The following SMTN variants were observed in gnomAD, a reference collection of about 807,000 sequenced individuals.
SMTN encodes the protein smoothelin.
In SMTN, 58 loss-of-function variants were observed where a neutral mutation model predicts 102.0. That is an observed-to-expected ratio of 0.57 (90% CI 0.46 to 0.71). The LOEUF is 0.71. SMTN is among the 30% of genes least tolerant of loss of function. The pLI, the probability that SMTN is intolerant of heterozygous loss-of-function variation, is 0.00. For missense variants in SMTN, 1,185 were observed against 1,241.7 expected (o/e 0.95, Z 0.69); for synonymous variants, 478 against 497.9 (o/e 0.96, Z 0.53).
At chr22:31,090,456 G>C (rs1407781009) in intron 8 of SMTN, among the ~76,000 whole-genome samples, 1 of 152,030 alleles carries the variant, frequency 6.6e-6, no homozygotes, top group Non-Finnish European at 1.5e-5. Context: ...CCATCTCCCA[G>C]CTGGAGCTGT....
Position 31,090,963 on chromosome 22 carries a change from TCCACCCCCCTTG to T in SMTN, c.944_955del (p.Thr315_Ala318del), listed in dbSNP as rs761752063. 2.5e-6 allele frequency: 4 copies of T among 1,612,904 alleles called. No homozygotes were observed. The Admixed American group carries it at 5.0e-5, about 20-fold the overall frequency. On this transcript the variant is annotated inframe_deletion, in exon 10 of 21. Transcript: ENST00000333137. ...GACAGCCCTCCTGTTCCTTCTAGAG[TCCACCCCCCTTG>T]CCAGCGGACCTTCCTCATTCCAGCG...
chr22:31,078,907 T>C (rs2042193858), upstream of SMTN, among the ~76,000 whole-genome samples: 2 of 152,250 alleles, frequency 1.3e-5, no homozygotes, highest in South Asian at 4.1e-4. Context: ...TAAAAACAAG[T>C]GTGACACACA....
chr22:31,100,832 C>T, intron 19 of SMTN, 53 bp from the exon 20 acceptor site: 6 of 848,482 alleles, frequency 7.1e-6, no homozygotes, highest in South Asian at 5.8e-5. Context: ...CACCCGGGGC[C>T]CTGGCCTCCT....
chr22:31,097,021 A>G lies in SMTN; in HGVS notation c.2050A>G (p.Thr684Ala), dbSNP rs2043646640. 1.2e-6 allele frequency: 2 copies of G among 1,614,000 alleles called. No individual in the cohort carries two copies. Among genetic ancestry groups the G allele is most frequent in the Admixed American group, 3.3e-5 (2 of 59,998 alleles). Residue 684 changes from threonine (T) to alanine (A), a missense_variant, in exon 15 of 21, where the codon ACC becomes GCC. This residue lies in a region of SMTN where 1,096 missense variants were observed against 1,112.7 expected (regional missense o/e 0.98). Transcript: ENST00000333137. ...HSNDGTRTAR[T>A]TTVESSFVRR... ...AGATGATGGCACACGGACGGCCCGC[A>G]CCACCACAGTGGAGTCGAGTTTCGT... is the stretch of plus-strand genomic sequence containing the variant.
chr22:31,085,134 A>G, intron 2 of SMTN: 7 of 1,535,296 alleles, frequency 4.6e-6, no homozygotes, highest in Non-Finnish European at 6.1e-6. Context: ...ACCCGCCGGG[A>G]CGCCCTCTGC....
intron 2 of SMTN, chr22:31,085,092 C>A: frequency 6.5e-7 from 1 of 1,534,910 alleles, no homozygotes; most frequent in Non-Finnish European, 8.7e-7. Flanking sequence ...ATGGGGACGC[C>A]TGGGGACTTG....
At chr22:31,074,136 CCAG>C (rs1365015148) in intron 1 of SMTN, among the ~76,000 whole-genome samples, 1 of 151,850 alleles carries the variant, frequency 6.6e-6, no homozygotes, top group Non-Finnish European at 1.5e-5. Flanking sequence ...CTGTGTAATT[CCAG>C]CACTTTGGGA....
rs2043480837 is a variant in SMTN at position 31,095,254 on chromosome 22, T to C, written c.1633-49T>C. ...CCCTATCCATTGGAGACATGATGAG[T>C]TTCACCCATACCCCTGCTTAAAGTC... On this transcript the variant is annotated intron_variant, in intron 11 of 20. Coordinates refer to ENST00000333137, the MANE Select transcript of SMTN (RefSeq NM_134269.3). The surrounding 1 kb of genome is among the most constrained non-coding windows in gnomAD (Gnocchi z 4.1). The C allele has an allele frequency of 6.3e-7, 1 of 1,595,836 alleles. No homozygotes were observed. Among genetic ancestry groups the C allele is most frequent in the Admixed American group, 1.7e-5 (1 of 59,156 alleles).
chr22:31,066,482 A>G (rs1250447079), intron 1 of SMTN: 2 of 151,908 alleles, frequency 1.3e-5, no homozygotes, highest in Non-Finnish European at 2.9e-5. Flanking sequence ...TAATTTTTGT[A>G]TCTTTAGTAG....
At chr22:31,098,622 G>A in intron 16 of SMTN, 45 bp from the exon 17 acceptor site, 2 of 1,594,492 alleles carry the variant, frequency 1.3e-6, no homozygotes, top group East Asian at 2.2e-5. Context: ...AGGCTGGGGA[G>A]CAGCCCTGCT....
At chr22:31,099,260 C>T (rs2147797789) in intron 18 of SMTN, 81 bp downstream of exon 18, 2 of 864,038 alleles carry the variant, frequency 2.3e-6, no homozygotes, top group South Asian at 3.0e-5. Flanking sequence ...GCTCCTATTA[C>T]CCAGTACACT....
At chr22:31,085,413 C>T in intron 2 of SMTN, 7 of 867,906 alleles carry the variant, frequency 8.1e-6, no homozygotes, top group Middle Eastern at 6.7e-4. Context: ...ACCGGGGGAG[C>T]TGGGACTGAA....
Position 31,089,955 on chromosome 22 carries a change from C to G in SMTN, c.728C>G (p.Thr243Ser), listed in dbSNP as rs2042991682. Residue 243 changes from threonine to serine, a missense_variant, in exon 7 of 21, where the codon ACC becomes AGC. Thr to Ser is a moderately conservative substitution (Grantham distance 58). This residue lies in a region of SMTN where 1,096 missense variants were observed against 1,112.7 expected (regional missense o/e 0.98). Transcript: ENST00000333137. ...GAGCCACCCCCCAGCCCACCCAAGA[C>G]CACCAGCCCTGAGCCTCAGGAGTCT... ...SPEPPPSPPK[T>S]TSPEPQESPT... The G allele has an allele frequency of 2.5e-6, 4 of 1,600,168 alleles. No homozygotes were observed. Among genetic ancestry groups the G allele is most frequent in the Non-Finnish European group, 3.4e-6 (4 of 1,173,228 alleles).
At position 31,095,462 on chromosome 22, in the gene SMTN, C is replaced by T; in HGVS notation, c.1785+7C>T. The T allele has an allele frequency of 6.2e-7, 1 of 1,614,192 alleles. No individual in the cohort carries two copies. The highest frequency in any genetic ancestry group is 8.5e-7 in the Non-Finnish European group (1 of 1,180,016). On this transcript the variant is annotated splice_region_variant and intron_variant, in intron 12 of 20. Coordinates refer to ENST00000333137, the MANE Select transcript of SMTN (RefSeq NM_134269.3). This position sits in a 1 kb window ranked among gnomAD's most constrained non-coding sequence, Gnocchi z 4.1. ...AGGAGTCTTGGACAAGATGGTATAG[C>T]CAGATCCGGTGGGCTGGGGGTTGGC...
chr22:31,072,137 TTTCTGCCTATGTGGCTGA>T (rs1489839693), intron 1 of SMTN, among the ~76,000 whole-genome samples: 108 of 152,300 alleles, frequency 7.1e-4, no homozygotes, highest in African/African-American at 2.5e-3. Context: ...GATAGCATCA[TTTCTGCCTATGTGGCTGA>T]CATTCATTAT....
At chr22:31,092,553 A>G (rs2043217827) in intron 11 of SMTN, 1 of 471,156 alleles carries the variant, frequency 2.1e-6, no homozygotes, top group Non-Finnish European at 4.4e-6. Flanking sequence ...GTGCTAAACC[A>G]GGGACTGAAT....
intron 11 of SMTN, chr22:31,093,834 C>T (rs1374195402): frequency 6.3e-7 from 1 of 1,589,466 alleles, no homozygotes. Flanking sequence ...CCTTCAGCAC[C>T]CGCCGCCGCT....
chr22:31,064,702 T>C (rs1347584494), intron 1 of SMTN: 1 of 152,144 alleles, frequency 6.6e-6, no homozygotes, highest in African/African-American at 2.4e-5. Flanking sequence ...AATTATATTT[T>C]ATAGTTATTT....
intron 1 of SMTN, among the ~76,000 whole-genome samples, chr22:31,071,509 G>A (rs2041997985): frequency 6.6e-6 from 1 of 151,660 alleles, no homozygotes; most frequent in African/African-American, 2.4e-5. Flanking sequence ...ATAGTGGCAT[G>A]CACCGGCTGA....
Sources: allele counts gnomAD v4.1 joint callset (sites outside exome capture counted in the v4.1 genomes callset), GRCh38; gene constraint gnomAD v4.1.1; regional missense constraint gnomAD v4.1.1; non-coding constraint Gnocchi (gnomAD v3.1); transcripts MANE v1.5; gene names NCBI Gene and HGNC (gene_info 2026-07-23, HGNC 2026-07-21).